The following PRELID2 variants were observed in gnomAD, a reference collection of about 807,000 sequenced individuals.
PRELID2 encodes the protein PRELI domain-containing protein 2.
Under a neutral mutation model 28.4 loss-of-function variants are expected in PRELID2, and 25 were observed. That is an observed-to-expected ratio of 0.88 (90% CI 0.64 to 1.23). PRELID2 has a LOEUF of 1.23. PRELID2 is among the 50% of genes most tolerant of loss of function. The pLI, the probability that PRELID2 is intolerant of heterozygous loss-of-function variation, is 0.00. For missense variants in PRELID2, 201 were observed against 214.4 expected (o/e 0.94, Z 0.39); for synonymous variants, 76 against 71.6 (o/e 1.06, Z -0.31).
At chr5:145,783,832 T>A (rs1297827413) in intron 5 of PRELID2, among the ~76,000 whole-genome samples, 1 of 152,342 alleles carries the variant, frequency 6.6e-6, no homozygotes, top group African/African-American at 2.4e-5. Context: ...GACGGTTTTA[T>A]GCTCTTTTCC....
chr5:145,727,508 T>C (rs1756205223), intron 1 of PRELID2, among the ~76,000 whole-genome samples: 1 of 152,180 alleles, frequency 6.6e-6, no homozygotes, highest in Admixed American at 6.6e-5. Flanking sequence ...GCCCCCCTTT[T>C]CTTTTTCATA....
intron 5 of PRELID2, among the ~76,000 whole-genome samples, chr5:145,779,036 AC>A (rs1758599150): frequency 6.6e-6 from 1 of 152,190 alleles, no homozygotes; most frequent in South Asian, 2.1e-4. Flanking sequence ...TGTTACTGTT[AC>A]CTTTCTGATT....
intron 4 of PRELID2, among the ~76,000 whole-genome samples, chr5:145,812,677 C>A (rs1425164811): frequency 6.6e-6 from 1 of 152,178 alleles, no homozygotes; most frequent in Non-Finnish European, 1.5e-5. Flanking sequence ...CAGCACAAGG[C>A]AGCCTAACTG....
chr5:145,768,225 A>C (rs1581164593), intron 5 of PRELID2, among the ~76,000 whole-genome samples: 1 of 2,790 alleles, frequency 3.6e-4, no homozygotes, highest in African/African-American at 9.8e-4. Context: ...CTCTGTCTCA[A>C]AAAAAAAAAA....
At chr5:145,387,308 A>C in the PRELID2 span, among the ~76,000 whole-genome samples, 1 of 93,092 alleles carries the variant, frequency 1.1e-5, no homozygotes, top group Non-Finnish European at 2.7e-5. Flanking sequence ...TTCAAGGAGC[A>C]AAAATGTGGT....
intron 1 of PRELID2, among the ~76,000 whole-genome samples, chr5:145,547,283 T>C (rs186262669): frequency 7.2e-5 from 11 of 152,278 alleles, no homozygotes; most frequent in African/African-American, 2.4e-4. Flanking sequence ...TTTTCTGTTA[T>C]TATAGATCAC....
chr5:145,254,232 G>A, the PRELID2 span, among the ~76,000 whole-genome samples: 3 of 152,032 alleles, frequency 2.0e-5, no homozygotes, highest in East Asian at 5.8e-4. Flanking sequence ...TGCCTATTAT[G>A]TAAATATCCA....
chr5:145,627,715 A>C lies in PRELID2; in HGVS notation n.70+137216T>G, dbSNP rs552850231. 2.6e-3 allele frequency among the ~76,000 whole-genome samples: 391 copies of C among 152,242 alleles called. 4 individuals carry two copies. Among genetic ancestry groups the C allele is most frequent in the South Asian group, 0.01 (49 of 4,820 alleles). On this transcript the variant is annotated intron_variant and non_coding_transcript_variant, in intron 1 of 2. Coordinates refer to the PRELID2 transcript ENST00000510259. ...TTAATTTCTACTACATAACAACTCTAATCAACCCATCCACAACCACTACCA... is the reference window on the plus strand; with the variant it reads ...TTAATTTCTACTACATAACAACTCTCATCAACCCATCCACAACCACTACCA...
intron 1 of PRELID2, among the ~76,000 whole-genome samples, chr5:145,635,034 A>G (rs778498670): frequency 1.3e-5 from 2 of 152,152 alleles, no homozygotes; most frequent in African/African-American, 2.4e-5. Flanking sequence ...TGCTCACTCA[A>G]CAAGAATGTG....
At chr5:145,831,640 T>C (rs957783976) in intron 1 of PRELID2, among the ~76,000 whole-genome samples, 1 of 152,200 alleles carries the variant, frequency 6.6e-6, no homozygotes, top group Non-Finnish European at 1.5e-5. Flanking sequence ...GATTCCTTTA[T>C]GAATGAATAG....
rs958258399 is a variant in PRELID2 at position 145,825,561 on chromosome 5, T to C, written c.76-2427A>G. Among the ~76,000 whole-genome samples the C allele has an allele frequency of 1.8e-4, 27 of 152,168 alleles. 1 individual carries two copies. The highest frequency in any genetic ancestry group is 8.5e-4 in the Admixed American group (13 of 15,274). On this transcript the variant is annotated intron_variant, in intron 1 of 6. Coordinates refer to ENST00000683046, the MANE Select transcript of PRELID2 (RefSeq NM_205846.3). ...AATATTACAAATTCAACATAAGTTGTAGAAAGATAACTAAACTATAAAAGA... is the reference window on the plus strand; with the variant it reads ...AATATTACAAATTCAACATAAGTTGCAGAAAGATAACTAAACTATAAAAGA...
chr5:145,815,231 C>T (rs1414499275), intron 4 of PRELID2, among the ~76,000 whole-genome samples: 1 of 152,228 alleles, frequency 6.6e-6, no homozygotes, highest in Non-Finnish European at 1.5e-5. Context: ...TCACCAGACA[C>T]TGGAAAGGCC....
At chr5:145,267,542 T>C in the PRELID2 span, among the ~76,000 whole-genome samples, 1 of 152,128 alleles carries the variant, frequency 6.6e-6, no homozygotes, top group African/African-American at 2.4e-5. Context: ...GCACAACATT[T>C]TCTTTATACA....
chr5:145,569,920 G>T (rs1753002512), intron 1 of PRELID2, among the ~76,000 whole-genome samples: 1 of 152,126 alleles, frequency 6.6e-6, no homozygotes, highest in South Asian at 2.1e-4. Flanking sequence ...ATAGCAAACT[G>T]GGTGGCTTAA....
chr5:145,406,468 C>T, the PRELID2 span, among the ~76,000 whole-genome samples: 2 of 152,154 alleles, frequency 1.3e-5, no homozygotes, highest in African/African-American at 4.8e-5. Context: ...AAAGAATTAA[C>T]AAGTTTTTGT....
chr5:145,384,186 T>C, the PRELID2 span, among the ~76,000 whole-genome samples: 3 of 152,138 alleles, frequency 2.0e-5, no homozygotes, highest in Non-Finnish European at 4.4e-5. Flanking sequence ...GTGGAAGAAC[T>C]GGGCATTTCA....
chr5:145,803,698 G>T (rs1303130412), intron 4 of PRELID2, among the ~76,000 whole-genome samples: 1 of 143,032 alleles, frequency 7.0e-6, no homozygotes, highest in African/African-American at 2.6e-5. Flanking sequence ...TAATTATGCT[G>T]TTCTACTACA....
At chr5:145,457,126 G>A in the PRELID2 span, among the ~76,000 whole-genome samples, 2 of 151,982 alleles carry the variant, frequency 1.3e-5, no homozygotes, top group African/African-American at 4.8e-5. Flanking sequence ...GGGAAGGTGG[G>A]GAAAGTCTTG....
intron 1 of PRELID2, among the ~76,000 whole-genome samples, chr5:145,690,041 G>A (rs921092399): frequency 6.9e-6 from 1 of 145,564 alleles, no homozygotes; most frequent in Non-Finnish European, 1.5e-5. Flanking sequence ...CCAGGCTGGA[G>A]TGCAATGGTG....
Sources: allele counts gnomAD v4.1 joint callset (sites outside exome capture counted in the v4.1 genomes callset), GRCh38; gene constraint gnomAD v4.1.1; transcripts MANE v1.5; gene names NCBI Gene and HGNC (gene_info 2026-07-23, HGNC 2026-07-21).